Variants in DCBLD1 observed in about 807,000 individuals in gnomAD.
DCBLD1 encodes discoidin, CUB and LCCL domain-containing protein 1.
Under a neutral mutation model 71.5 loss-of-function variants are expected in DCBLD1, and 57 were observed. The ratio of observed to expected loss-of-function variants is 0.80; its 90% CI spans 0.64 to 0.99. The LOEUF is 0.99. Ranked by LOEUF, DCBLD1 falls within the 50% of genes least tolerant of loss-of-function variation. The probability of loss-of-function intolerance (pLI) is 0.00; values close to 1 mark genes in which losing one functional copy is unlikely to be tolerated. For synonymous variants in DCBLD1, 380 were observed against 363.8 expected, an observed-to-expected ratio of 1.04 and a Z score of -0.51; for missense variants, 891 against 923.5, an observed-to-expected ratio of 0.96 and a Z score of 0.46.
intron 6 of DCBLD1, among the ~76,000 whole-genome samples, chr6:117,536,529 T>C (rs1446845883): frequency 1.3e-5 from 2 of 152,224 alleles, no homozygotes; most frequent in Non-Finnish European, 2.9e-5. Context: ...GAAGCGGCAG[T>C]AAGGCCAGCT....
chr6:117,560,364 A>T (rs987989846), intron 14 of DCBLD1: 10 of 182,234 alleles, frequency 5.5e-5, no homozygotes, highest in Non-Finnish European at 1.2e-4. Context: ...CTAATAAAAA[A>T]ATATTAAACT....
intron 1 of DCBLD1, 143 bp downstream of exon 1, chr6:117,483,036 G>A (rs1776956823): frequency 3.2e-6 from 3 of 934,778 alleles, no homozygotes; most frequent in Non-Finnish European, 3.9e-6. Flanking sequence ...CGGGCTCGCC[G>A]CCTGCCATCC....
intron 4 of DCBLD1, 94 bp downstream of exon 4, chr6:117,521,670 CT>C (rs1562447760): frequency 9.2e-7 from 1 of 1,089,520 alleles, no homozygotes. Context: ...ACTTAAAGCT[CT>C]TTTTACCATT....
chr6:117,516,062 T>A (rs1387221596), intron 2 of DCBLD1, among the ~76,000 whole-genome samples: 3 of 152,026 alleles, frequency 2.0e-5, no homozygotes, highest in Non-Finnish European at 4.4e-5. Context: ...CTAAGTAATT[T>A]GAAAGTATTG....
At chr6:117,543,001 T>A in intron 11 of DCBLD1, 123 bp from the exon 12 acceptor site, 1 of 785,740 alleles carries the variant, frequency 1.3e-6, no homozygotes, top group African/African-American at 1.7e-5. Flanking sequence ...ATGCCTAACA[T>A]GTATTCATTT....
At position 117,549,027 on chromosome 6, in the gene DCBLD1, C is replaced by T; in HGVS notation, c.*588C>T. ...AATGAATTACTTGAAGCATGAAAAG[C>T]ACACCAGGGTGGTTGTTTATTTAGC... On this transcript the variant is annotated 3_prime_UTR_variant, in exon 15 of 15. Coordinates refer to ENST00000338728, the MANE Select transcript of DCBLD1 (RefSeq NM_001366458.2). The T allele has an allele frequency of 2.0e-6, 2 of 986,996 alleles. No individual in the cohort carries two copies. The highest frequency in any genetic ancestry group is 2.4e-6 in the Non-Finnish European group (2 of 831,076). 61.1% of individuals were successfully genotyped at this position (986,996 alleles called of 1,614,324 possible). A position where few individuals can be genotyped will look rare whatever the true frequency, so the allele number is the denominator to read the frequency against.
At chr6:117,504,300 A>AT (rs1349475309) in intron 2 of DCBLD1, among the ~76,000 whole-genome samples, 1 of 152,234 alleles carries the variant, frequency 6.6e-6, no homozygotes. Flanking sequence ...TATTTATTGA[A>AT]TAGAACAGTG....
At chr6:117,523,257 G>A (rs1220974299) in intron 4 of DCBLD1, among the ~76,000 whole-genome samples, 1 of 152,124 alleles carries the variant, frequency 6.6e-6, no homozygotes, top group Non-Finnish European at 1.5e-5. Context: ...GTAGTGTTTA[G>A]ATTAAAGATA....
chr6:117,487,059 A>G (rs1428462791), intron 1 of DCBLD1, among the ~76,000 whole-genome samples: 2 of 152,084 alleles, frequency 1.3e-5, no homozygotes, highest in African/African-American at 4.8e-5. Context: ...ACCCAGCCCC[A>G]TACACGGAAA....
intron 2 of DCBLD1, among the ~76,000 whole-genome samples, chr6:117,514,591 CAAAA>C (rs59209418): frequency 1.8e-5 from 2 of 109,070 alleles, no homozygotes; most frequent in Non-Finnish European, 2.1e-5. Flanking sequence ...GACCCTGTCT[CAAAA>C]AAAAAAAAAA....
At chr6:117,515,727 A>T (rs1010971234) in intron 2 of DCBLD1, among the ~76,000 whole-genome samples, 2 of 152,082 alleles carry the variant, frequency 1.3e-5, no homozygotes, top group South Asian at 2.1e-4. Context: ...CATTACAGAA[A>T]TTTTTTTCTT....
chr6:117,541,327 A>C (rs1779090080), intron 11 of DCBLD1, among the ~76,000 whole-genome samples: 1 of 152,206 alleles, frequency 6.6e-6, no homozygotes, highest in African/African-American at 2.4e-5. Context: ...AAAAAAATGG[A>C]AATATAGAAA....
chr6:117,511,560 A>G (rs1778022578), intron 2 of DCBLD1, among the ~76,000 whole-genome samples: 1 of 152,236 alleles, frequency 6.6e-6, no homozygotes, highest in African/African-American at 2.4e-5. Flanking sequence ...TACACTAGGA[A>G]TGAGAGAAAT....
intron 1 of DCBLD1, among the ~76,000 whole-genome samples, chr6:117,501,691 C>A (rs528794169): frequency 6.6e-6 from 1 of 152,332 alleles, no homozygotes; most frequent in South Asian, 2.1e-4. Flanking sequence ...CCCTTTAAAG[C>A]CGACAAATAA....
chr6:117,565,807 C>A (rs779660741), intron 14 of DCBLD1, among the ~76,000 whole-genome samples: 1 of 152,032 alleles, frequency 6.6e-6, no homozygotes, highest in Non-Finnish European at 1.5e-5. Context: ...CCAAATAGTC[C>A]GAAAATCCAT....
At chr6:117,563,225 T>A in intron 14 of DCBLD1, 1 of 1,600,802 alleles carries the variant, frequency 6.2e-7, no homozygotes, top group East Asian at 2.2e-5. Flanking sequence ...ATAGTCTGAT[T>A]AACAATCTTG....
At chr6:117,504,674 A>G (rs1420643038) in intron 2 of DCBLD1, among the ~76,000 whole-genome samples, 3 of 152,188 alleles carry the variant, frequency 2.0e-5, no homozygotes, top group Admixed American at 2.0e-4. Context: ...ATAGCCTTTG[A>G]AATTTAGTGT....
intron 12 of DCBLD1, 105 bp downstream of exon 12, chr6:117,543,316 T>G: frequency 1.1e-6 from 1 of 876,632 alleles, no homozygotes; most frequent in Non-Finnish European, 1.9e-6. Context: ...CAGCATGGCT[T>G]CTTTCAAAAT....
chr6:117,498,523 TTAGA>T (rs2114402697), intron 1 of DCBLD1, among the ~76,000 whole-genome samples: 1 of 152,320 alleles, frequency 6.6e-6, no homozygotes, highest in East Asian at 1.9e-4. Flanking sequence ...TATTTTGATG[TTAGA>T]TAGGTGGCAC....
Sources: gnomAD v4.1 joint callset for allele counts (sites outside exome capture counted in the v4.1 genomes callset) on GRCh38, gnomAD v4.1.1 for gene constraint, MANE v1.5 for transcripts, NCBI Gene and HGNC (gene_info 2026-07-23, HGNC 2026-07-21) for gene names.